Variants in FAM53B observed in about 807,000 individuals in gnomAD.
FAM53B encodes the protein family with sequence similarity 53 member B.
A neutral mutation model predicts 32.7 loss-of-function variants in FAM53B; 12 were observed. The ratio of observed to expected loss-of-function variants is 0.37; its 90% CI spans 0.24 to 0.59. FAM53B has a LOEUF of 0.59. Ranked by LOEUF, FAM53B falls within the 20% of genes least tolerant of loss-of-function variation. The pLI, the probability that FAM53B is intolerant of heterozygous loss-of-function variation, is 0.72. For synonymous variants in FAM53B, 234 were observed against 228.7 expected (o/e 1.02, Z -0.21); for missense variants, 477 against 577.7 (o/e 0.83, Z 1.79).
At chr10:124,653,617 C>G (rs533122471) in intron 4 of FAM53B, among the ~76,000 whole-genome samples, 6 of 152,328 alleles carry the variant, frequency 3.9e-5, no homozygotes, top group Admixed American at 2.6e-4. Context: ...GACTCATGAG[C>G]CAGACTTGGG....
At chr10:124,686,564 A>C (rs1654250804) in intron 3 of FAM53B, among the ~76,000 whole-genome samples, 1 of 152,152 alleles carries the variant, frequency 6.6e-6, no homozygotes. Context: ...CTGAAGATAC[A>C]CCTTTCTCCT....
At chr10:124,679,120 C>T (rs566386489) in intron 4 of FAM53B, among the ~76,000 whole-genome samples, 5 of 152,324 alleles carry the variant, frequency 3.3e-5, no homozygotes, top group African/African-American at 7.2e-5. Context: ...AAAAGGCCCA[C>T]GAAAGAGAAG....
intron 4 of FAM53B, among the ~76,000 whole-genome samples, chr10:124,669,302 G>A (rs946728399): frequency 4.6e-5 from 7 of 152,148 alleles, no homozygotes; most frequent in South Asian, 2.1e-4. Context: ...CTCGTGTCCC[G>A]GACTTATACA....
chr10:124,711,672 G>A (rs1343159146), intron 1 of FAM53B, among the ~76,000 whole-genome samples: 2 of 152,184 alleles, frequency 1.3e-5, no homozygotes, highest in Non-Finnish European at 2.9e-5. Flanking sequence ...GAGACCGTGT[G>A]CGCGGGAAGG....
In FAM53B at chr10:124,622,951, GA is replaced by G. The variant is rs1348811811; in HGVS notation, c.*290del. On this transcript the variant is annotated 3_prime_UTR_variant, in exon 5 of 5. Coordinates refer to ENST00000337318, the MANE Select transcript of FAM53B (RefSeq NM_014661.4). ...GACTGCCCAACATCCCACAGGGAAAGAGGCAGAAAAGACGCAAACTTCAAAG... is the reference window on the plus strand; with the variant it reads ...GACTGCCCAACATCCCACAGGGAAAGGGCAGAAAAGACGCAAACTTCAAAG... 1 of 364,370 alleles carries G rather than the reference GA, an allele frequency of 2.7e-6. No homozygotes were observed. Among genetic ancestry groups the G allele is most frequent in the Non-Finnish European group, 5.0e-6 (1 of 200,736 alleles). The allele number at this position is 364,370 out of a possible 1,614,324, so 22.6% of individuals were successfully genotyped here.
chr10:124,711,441 T>A (rs1038749018), intron 1 of FAM53B, among the ~76,000 whole-genome samples: 1 of 152,064 alleles, frequency 6.6e-6, no homozygotes. Flanking sequence ...CTGCATTAGT[T>A]TGGTAGGATT....
chr10:124,646,856 C>T (rs938417512), intron 4 of FAM53B, among the ~76,000 whole-genome samples: 1 of 152,228 alleles, frequency 6.6e-6, no homozygotes, highest in African/African-American at 2.4e-5. Context: ...TGCAGAAGCA[C>T]CCAAGGCAAG....
At chr10:124,631,253 G>A (rs973262342) in intron 4 of FAM53B, among the ~76,000 whole-genome samples, 6 of 152,198 alleles carry the variant, frequency 3.9e-5, no homozygotes, top group Non-Finnish European at 2.9e-5. Flanking sequence ...TCGAGGCCTA[G>A]GACCCAGCTG....
chr10:124,666,204 TG>T (rs1340974110), intron 4 of FAM53B, among the ~76,000 whole-genome samples: 1 of 152,126 alleles, frequency 6.6e-6, no homozygotes, highest in Non-Finnish European at 1.5e-5. Flanking sequence ...CCCAGAAGGG[TG>T]GGGCAAACCA....
chr10:124,728,298 G>C (rs1286597684), intron 1 of FAM53B, among the ~76,000 whole-genome samples: 2 of 152,208 alleles, frequency 1.3e-5, no homozygotes, highest in East Asian at 3.8e-4. Flanking sequence ...TGGAGAGACA[G>C]TTGATCTGGT....
At chr10:124,668,534 G>C (rs1413831724) in intron 4 of FAM53B, among the ~76,000 whole-genome samples, 1 of 152,266 alleles carries the variant, frequency 6.6e-6, no homozygotes, top group Non-Finnish European at 1.5e-5. Context: ...TGGCAGACAA[G>C]AGCACAGCAC....
rs1390659062 is a variant in FAM53B, at chr10:124,671,154, G to A, written c.906+10453C>T. 5 of 453,798 alleles carry A rather than the reference G, an allele frequency of 1.1e-5. No homozygotes were observed. In the Admixed American group the frequency reaches 1.2e-4, roughly 11 times the overall value. 28.1% of individuals were successfully genotyped at this position (453,798 alleles called of 1,614,324 possible). A position where few individuals can be genotyped will look rare whatever the true frequency, so the allele number is the denominator to read the frequency against. On this transcript the variant is annotated intron_variant, in intron 4 of 4. Coordinates refer to ENST00000337318, the MANE Select transcript of FAM53B (RefSeq NM_014661.4). ...TCACCGTCACCCAGCCATGCCGCGT[G>A]ACCTGCAGGAGCAATCTGCTCCATT... is the stretch of plus-strand genomic sequence containing the variant.
At chr10:124,670,531 C>T (rs4962397) in intron 4 of FAM53B, among the ~76,000 whole-genome samples, 3 of 152,028 alleles carry the variant, frequency 2.0e-5, no homozygotes, top group African/African-American at 7.2e-5. Flanking sequence ...GGAACCTGTC[C>T]CCCCAGCTTC....
chr10:124,710,932 T>G (rs532131473), intron 1 of FAM53B, among the ~76,000 whole-genome samples: 1 of 152,138 alleles, frequency 6.6e-6, no homozygotes, highest in Non-Finnish European at 1.5e-5. Flanking sequence ...CCCCTTCAAA[T>G]GCCCATTCAA....
At chr10:124,643,688 C>T (rs1348528261) in intron 4 of FAM53B, among the ~76,000 whole-genome samples, 4 of 152,238 alleles carry the variant, frequency 2.6e-5, no homozygotes, top group African/African-American at 9.6e-5. Flanking sequence ...ATTCACGGCC[C>T]GGAGCTTTAG....
intron 4 of FAM53B, among the ~76,000 whole-genome samples, chr10:124,657,536 T>A (rs1389119159): frequency 6.6e-6 from 1 of 152,240 alleles, no homozygotes; most frequent in Non-Finnish European, 1.5e-5. Context: ...CAGAGGAATT[T>A]AAATTTCTGT....
chr10:124,734,995 C>G (rs773913486), intron 1 of FAM53B, among the ~76,000 whole-genome samples: 30 of 152,220 alleles, frequency 2.0e-4, no homozygotes, highest in Admixed American at 7.2e-4. Flanking sequence ...AGGTCAGGTT[C>G]AGGTGGCAAA....
chr10:124,701,129 G>A (rs2134081349), intron 2 of FAM53B, among the ~76,000 whole-genome samples: 1 of 152,330 alleles, frequency 6.6e-6, no homozygotes, highest in African/African-American at 2.4e-5. Flanking sequence ...CCTGGACCCT[G>A]TGCACTCCCA....
intron 4 of FAM53B, among the ~76,000 whole-genome samples, chr10:124,639,020 G>A (rs1309462609): frequency 6.6e-6 from 1 of 152,210 alleles, no homozygotes; most frequent in Non-Finnish European, 1.5e-5. Flanking sequence ...ACCAAATACT[G>A]GCTTAGCTAT....
Sources: gnomAD v4.1 joint callset for allele counts (sites outside exome capture counted in the v4.1 genomes callset) on GRCh38, gnomAD v4.1.1 for gene constraint, MANE v1.5 for transcripts, NCBI Gene and HGNC (gene_info 2026-07-23, HGNC 2026-07-21) for gene names.